PHC2: variants seen among roughly 807,000 people sequenced by gnomAD.
PHC2 encodes polyhomeotic homolog 2.
In PHC2, 29 loss-of-function variants were observed where a neutral mutation model predicts 87.4. The observed-to-expected ratio is 0.33, with a 90% CI of 0.25 to 0.45. The LOEUF (loss-of-function observed/expected upper bound fraction) is 0.45, where lower values mean the gene tolerates loss of function less well. PHC2 is among the 20% of genes least tolerant of loss of function. PHC2 has a pLI of 1.00. For synonymous variants in PHC2, 438 were observed against 461.7 expected (o/e 0.95, Z 0.66); for missense variants, 857 against 1,136.7 (o/e 0.75, Z 3.54).
chr1:33,337,571 G>A (rs949609063), intron 9 of PHC2, among the ~76,000 whole-genome samples: 2 of 152,136 alleles, frequency 1.3e-5, no homozygotes, highest in Non-Finnish European at 2.9e-5. Context: ...AGGATCCTAC[G>A]CCTACCTTAG....
At position 33,332,157 on chromosome 1, in the gene PHC2, A is replaced by G. The variant is rs1308933063; in HGVS notation, c.1891+118T>C. 6.1e-6 allele frequency: 7 copies of G among 1,139,140 alleles called. No homozygotes were observed. Among genetic ancestry groups the G allele is most frequent in the Non-Finnish European group, 6.4e-6 (5 of 783,194 alleles). 70.6% of individuals were successfully genotyped at this position (1,139,140 alleles called of 1,614,324 possible). On this transcript the variant is annotated intron_variant, in intron 11 of 14. Coordinates refer to ENST00000683057, the MANE Select transcript of PHC2 (RefSeq NM_001385109.1). This position sits in a 1 kb window ranked among gnomAD's most constrained non-coding sequence, Gnocchi z 4.2. Reference sequence around the variant, plus strand: ...AGGAGGCTGAGGAGGTGCTGGGGGAAATGTTTACAGACTCGCTGGCTCAGG... The same window carrying G: ...AGGAGGCTGAGGAGGTGCTGGGGGAGATGTTTACAGACTCGCTGGCTCAGG...
At chr1:33,335,649 C>G (rs1646611627) in intron 9 of PHC2, among the ~76,000 whole-genome samples, 1 of 152,218 alleles carries the variant, frequency 6.6e-6, no homozygotes, top group South Asian at 2.1e-4. Context: ...CACCTGTAAT[C>G]TCAGCACTTT....
chr1:33,427,177 T>C (rs1650707375), intron 1 of PHC2, among the ~76,000 whole-genome samples: 1 of 152,166 alleles, frequency 6.6e-6, no homozygotes, highest in African/African-American at 2.4e-5. Flanking sequence ...GGTTATAATC[T>C]GGTGCTGGGA....
chr1:33,423,514 C>T (rs180682330), intron 1 of PHC2, among the ~76,000 whole-genome samples: 291 of 152,284 alleles, frequency 1.9e-3, no homozygotes, highest in African/African-American at 6.7e-3. Flanking sequence ...AGATGAACAT[C>T]TACTTTGGGG....
intron 7 of PHC2, among the ~76,000 whole-genome samples, chr1:33,365,470 G>A (rs1487932724): frequency 1.3e-5 from 2 of 152,212 alleles, no homozygotes; most frequent in Non-Finnish European, 2.9e-5. Flanking sequence ...GGCCTGAGAC[G>A]CAGATGGTCC....
At chr1:33,352,045 C>G (rs1223911453) in intron 9 of PHC2, among the ~76,000 whole-genome samples, 1 of 151,022 alleles carries the variant, frequency 6.6e-6, no homozygotes, top group East Asian at 2.0e-4. Flanking sequence ...TTACTTCTCT[C>G]ATGAGATAGG....
Position 33,349,066 on chromosome 1 carries a change from A to T in PHC2, c.1558+5335T>A, listed in dbSNP as rs890513517. Reference sequence around the variant, plus strand: ...AATATAGTCTACCTTCATTTGGCATAGGAAGGAGAGAAAACGCTCTTCTAA... The same window carrying T: ...AATATAGTCTACCTTCATTTGGCATTGGAAGGAGAGAAAACGCTCTTCTAA... On this transcript the variant is annotated intron_variant, in intron 9 of 14. Coordinates refer to ENST00000683057, the MANE Select transcript of PHC2 (RefSeq NM_001385109.1). The surrounding 1 kb of genome is among the most constrained non-coding windows in gnomAD (Gnocchi z 4.2). The T allele has an allele frequency of 7.1e-6, 7 of 984,528 alleles. No individual in the cohort carries two copies. In the African/African-American group the frequency reaches 1.2e-4, roughly 17 times the overall value. 61.0% of individuals were successfully genotyped at this position (984,528 alleles called of 1,614,324 possible).
chr1:33,330,009 GC>G, intron 13 of PHC2, 61 bp downstream of exon 13: 1 of 1,579,286 alleles, frequency 6.3e-7, no homozygotes, highest in Admixed American at 1.8e-5. Flanking sequence ...GGTGTCGAGG[GC>G]CATGGAAGGG....
At chr1:33,424,157 T>G (rs1650574784) in intron 1 of PHC2, among the ~76,000 whole-genome samples, 1 of 152,138 alleles carries the variant, frequency 6.6e-6, no homozygotes, top group South Asian at 2.1e-4. Context: ...GAATATTTGT[T>G]GAGTAAATTA....
intron 9 of PHC2, among the ~76,000 whole-genome samples, chr1:33,353,876 G>A (rs1647019186): frequency 6.6e-6 from 1 of 152,218 alleles, no homozygotes; most frequent in South Asian, 2.1e-4. Flanking sequence ...AAGTCCACTT[G>A]TAACTGAGCC....
chr1:33,418,740 A>T (rs1650307082), intron 1 of PHC2, among the ~76,000 whole-genome samples: 1 of 152,228 alleles, frequency 6.6e-6, no homozygotes, highest in African/African-American at 2.4e-5. Context: ...TACTCATTTC[A>T]TGAGGCCAGA....
intron 1 of PHC2, among the ~76,000 whole-genome samples, chr1:33,376,647 A>G (rs1329264379): frequency 6.6e-6 from 1 of 152,180 alleles, no homozygotes; most frequent in Non-Finnish European, 1.5e-5. Flanking sequence ...ATCTACAGAG[A>G]AGGCCGGGTG....
intron 1 of PHC2, among the ~76,000 whole-genome samples, chr1:33,391,749 CAGA>C (rs1330711215): frequency 2.0e-5 from 3 of 151,702 alleles, no homozygotes; most frequent in African/African-American, 7.3e-5. Flanking sequence ...GCTGAGGAGA[CAGA>C]AGAAGGGAAA....
Position 33,364,008 on chromosome 1 carries a change from G to T in PHC2, c.976+3108C>A. ...CGCCCCTTACTCCCCTCCCCCACCTGCTCCCCCACCCCTATTCTCGGCATA... is the reference window on the plus strand; with the variant it reads ...CGCCCCTTACTCCCCTCCCCCACCTTCTCCCCCACCCCTATTCTCGGCATA... On this transcript the variant is annotated intron_variant, in intron 7 of 14. Transcript: ENST00000683057. This position sits in a 1 kb window ranked among gnomAD's most constrained non-coding sequence, Gnocchi z 4.1. 2.0e-6 allele frequency: 1 copy of T among 503,076 alleles called. No homozygotes were observed. Among genetic ancestry groups the T allele is most frequent in the Non-Finnish European group, 2.6e-6 (1 of 389,856 alleles). 31.2% of individuals were successfully genotyped at this position (503,076 alleles called of 1,614,324 possible). A position where few individuals can be genotyped will look rare whatever the true frequency, so the allele number is the denominator to read the frequency against.
chr1:33,400,484 G>C (rs1649479796), intron 1 of PHC2, among the ~76,000 whole-genome samples: 1 of 152,220 alleles, frequency 6.6e-6, no homozygotes, highest in Non-Finnish European at 1.5e-5. Flanking sequence ...GTAGCAGCCA[G>C]GCTCTAATGC....
rs142800241 is a variant in PHC2, at chr1:33,396,343, C to T, written c.-54-20750G>A. On this transcript the variant is annotated intron_variant, in intron 1 of 14. Coordinates refer to ENST00000683057, the MANE Select transcript of PHC2 (RefSeq NM_001385109.1). ...GACCTGAATGGACAGTTGATTTTAA[C>T]GGGGTGGGGAAGGGTGAGGGGAGGG... 8.8e-3 allele frequency among the ~76,000 whole-genome samples: 1,329 copies of T among 150,470 alleles called. 18 individuals are homozygous for T. The highest frequency in any genetic ancestry group is 0.021 in the Middle Eastern group (6 of 292).
chr1:33,426,480 T>C (rs1269604271), intron 1 of PHC2, among the ~76,000 whole-genome samples: 3 of 152,210 alleles, frequency 2.0e-5, no homozygotes, highest in Non-Finnish European at 2.9e-5. Context: ...TGGGTATACC[T>C]GACTACAAAA....
At chr1:33,400,031 T>TAA (rs547094515) in intron 1 of PHC2, among the ~76,000 whole-genome samples, 3 of 144,496 alleles carry the variant, frequency 2.1e-5, no homozygotes, top group East Asian at 2.0e-4. Context: ...TTATTATTTG[T>TAA]AAAAAAAAAA....
intron 1 of PHC2, among the ~76,000 whole-genome samples, chr1:33,405,348 G>C (rs1031662844): frequency 6.6e-6 from 1 of 151,846 alleles, no homozygotes; most frequent in Non-Finnish European, 1.5e-5. Flanking sequence ...GTACCACCAC[G>C]CCTGGCTAAT....
Sources: gnomAD v4.1 joint callset for allele counts (sites outside exome capture counted in the v4.1 genomes callset) on GRCh38, gnomAD v4.1.1 for gene constraint, Gnocchi (gnomAD v3.1) non-coding constraint, MANE v1.5 for transcripts, NCBI Gene and HGNC (gene_info 2026-07-23, HGNC 2026-07-21) for gene names.